ATXN7L3: variants seen among roughly 807,000 people sequenced by gnomAD.
ATXN7L3 encodes ataxin-7-like protein 3.
ATXN7L3 carries 6 observed loss-of-function variants against 50.0 expected under a neutral mutation model. The observed-to-expected ratio is 0.12, with a 90% CI of 0.07 to 0.24. The LOEUF (loss-of-function observed/expected upper bound fraction) is 0.24. Ranked by LOEUF, ATXN7L3 falls within the 10% of genes least tolerant of loss-of-function variation. The pLI is 1.00. For synonymous variants in ATXN7L3, 198 were observed against 165.8 expected, an observed-to-expected ratio of 1.19 and a Z score of -1.49; for missense variants, 322 against 451.3, an observed-to-expected ratio of 0.71 and a Z score of 2.60.
In ATXN7L3 at chr17:44,198,140, C is replaced by T. The variant is rs1463252116; in HGVS notation, c.-60-10G>A. On this transcript the variant is annotated splice_polypyrimidine_tract_variant and intron_variant, in intron 1 of 12. Transcript: ENST00000587097. ...GCGGGCGGCAACACGGCTGCACACA[C>T]GGGGGTGGGGGTGTTGTTGTGAGTC... The T allele has an allele frequency of 4.0e-6, 6 of 1,499,182 alleles. No homozygotes were observed. In the East Asian group the frequency reaches 1.1e-4, roughly 28 times the overall value. 92.9% of individuals were successfully genotyped at this position (1,499,182 alleles called of 1,614,324 possible).
chr17:44,198,299 A>G (rs1168433633), intron 1 of ATXN7L3, 169 bp from the exon 2 acceptor site: 3 of 528,794 alleles, frequency 5.7e-6, no homozygotes, highest in Non-Finnish European at 6.7e-6. Flanking sequence ...TGAAACCTAA[A>G]GGGGGCCTAG....
intron 9 of ATXN7L3, 104 bp from the exon 10 acceptor site, chr17:44,195,244 C>A: frequency 7.1e-7 from 1 of 1,408,084 alleles, no homozygotes; most frequent in Non-Finnish European, 1.0e-6. Flanking sequence ...AGAGATGGCC[C>A]AAAGGTGTCC....
rs1391604689 is a variant in ATXN7L3 at position 44,199,549 on chromosome 17, G to T, written c.-114C>A. On this transcript the variant is annotated 5_prime_UTR_variant, in exon 1 of 13. Transcript: ENST00000587097. ...GCAGCCTCTCAGGGCCGCGTCCTCCGGCGGCGGCGACGGCGGCGGCTGCTC... is the reference window on the plus strand; with the variant it reads ...GCAGCCTCTCAGGGCCGCGTCCTCCTGCGGCGGCGACGGCGGCGGCTGCTC... 1 of 147,434 alleles carries T rather than the reference G, an allele frequency of 6.8e-6. No individual in the cohort carries two copies. The highest frequency in any genetic ancestry group is 6.7e-5 in the Admixed American group (1 of 14,850). The allele number at this position is 147,434 out of a possible 1,614,324, so 9.1% of individuals were successfully genotyped here.
Position 44,198,116 on chromosome 17 carries a change from C to T in ATXN7L3, c.-46G>A, listed in dbSNP as rs2055988708. The T allele has an allele frequency of 6.3e-7, 1 of 1,592,618 alleles. No individual in the cohort carries two copies. Among genetic ancestry groups the T allele is most frequent in the Non-Finnish European group, 8.6e-7 (1 of 1,162,470 alleles). On this transcript the variant is annotated 5_prime_UTR_variant, in exon 2 of 13. Transcript: ENST00000587097. ...GGCGCTCTGACTGCTCATAGCACAG[C>T]GGGCGGCAACACGGCTGCACACACG... is the stretch of plus-strand genomic sequence containing the variant.
Position 44,198,091 on chromosome 17 carries a change from G to C in ATXN7L3, c.-21C>G, listed in dbSNP as rs746043766. On this transcript the variant is annotated 5_prime_UTR_variant, in exon 2 of 13. Coordinates refer to ENST00000587097, the MANE Select transcript of ATXN7L3 (RefSeq NM_001382309.1). ...TTCATTTGTAAACTCTTGTGGAGACGGCGCTCTGACTGCTCATAGCACAGC... is the reference window on the plus strand; with the variant it reads ...TTCATTTGTAAACTCTTGTGGAGACCGCGCTCTGACTGCTCATAGCACAGC... The C allele has an allele frequency of 1.2e-6, 2 of 1,613,436 alleles. No homozygotes were observed. Among genetic ancestry groups the C allele is most frequent in the Non-Finnish European group, 1.7e-6 (2 of 1,179,536 alleles).
chr17:44,194,692 C>A lies in ATXN7L3; in HGVS notation c.738-18G>T, dbSNP rs765756959. The A allele has an allele frequency of 3.1e-6, 5 of 1,613,788 alleles. No homozygotes were observed. The Admixed American group carries it at 6.7e-5, about 22-fold the overall frequency. The stretch of plus-strand genomic sequence containing the variant: ...GAAGGACACTGGAAAGGGGATGAGC[C>A]AAAGAAGGGCTTTAGAGATAGTGAT... On this transcript the variant is annotated intron_variant, in intron 11 of 12. Transcript: ENST00000587097.
intron 1 of ATXN7L3, 173 bp from the exon 2 acceptor site, chr17:44,198,303 G>A (rs1171597516): frequency 3.8e-6 from 2 of 522,106 alleles, no homozygotes; most frequent in Non-Finnish European, 6.7e-6. Flanking sequence ...ACCTAAAGGG[G>A]GCCTAGTCTT....
intron 3 of ATXN7L3, 87 bp from the exon 4 acceptor site, chr17:44,197,486 C>G (rs2055953132): frequency 1.3e-6 from 2 of 1,579,682 alleles, no homozygotes; most frequent in Non-Finnish European, 1.7e-6. Flanking sequence ...TTCAATCCCT[C>G]CCCCGGCTCA....
intron 12 of ATXN7L3, 21 bp from the exon 13 acceptor site, chr17:44,194,432 G>A (rs574181083): frequency 4.3e-6 from 7 of 1,613,926 alleles, no homozygotes; most frequent in East Asian, 4.5e-5. Context: ...AGAGACACAA[G>A]GGATGAGAGT....
rs762440697 is a variant in ATXN7L3 at position 44,195,149 on chromosome 17, G to A, written c.622-9C>T. 3.7e-6 allele frequency: 6 copies of A among 1,613,700 alleles called. 1 individual carries two copies. The South Asian group carries it at 5.5e-5, about 15-fold the overall frequency. Reference sequence around the variant, plus strand: ...GAAATCACCCCACATTGCTGGAAGAGGAATATAAGCTGAAAGGAGGGATGG... The same window carrying A: ...GAAATCACCCCACATTGCTGGAAGAAGAATATAAGCTGAAAGGAGGGATGG... On this transcript the variant is annotated splice_polypyrimidine_tract_variant and intron_variant, in intron 9 of 12. Transcript: ENST00000587097.
At chr17:44,197,104 C>T in intron 4 of ATXN7L3, 78 bp from the exon 5 acceptor site, 1 of 1,556,838 alleles carries the variant, frequency 6.4e-7, no homozygotes, top group Non-Finnish European at 8.8e-7. Flanking sequence ...GCTCTGCCCC[C>T]AACTTCAGAA....
At chr17:44,195,622 T>G (rs773073625) in intron 8 of ATXN7L3, 135 bp from the exon 9 acceptor site, 205 of 1,212,156 alleles carry the variant, frequency 1.7e-4, no homozygotes, top group Non-Finnish European at 2.4e-4. Context: ...CCAAGTGATT[T>G]CTCTCATCCC....
intron 9 of ATXN7L3, 81 bp downstream of exon 9, chr17:44,195,338 C>T: frequency 6.8e-7 from 1 of 1,476,954 alleles, no homozygotes; most frequent in Non-Finnish European, 9.5e-7. Context: ...GCTAGGTCAC[C>T]AGCTTCCTCC....
At chr17:44,195,662 G>A in intron 8 of ATXN7L3, 138 bp downstream of exon 8, 1 of 1,220,290 alleles carries the variant, frequency 8.2e-7, no homozygotes. Context: ...GTGGGACTCA[G>A]AAAGAACATA....
intron 3 of ATXN7L3, 51 bp from the exon 4 acceptor site, chr17:44,197,450 G>C: frequency 1.3e-6 from 2 of 1,571,818 alleles, no homozygotes; most frequent in Non-Finnish European, 1.7e-6. Flanking sequence ...CTCTCCTCTT[G>C]TTCCCACCTG....
chr17:44,197,629 G>A lies in ATXN7L3; in HGVS notation c.153C>T (p.Asp51=), dbSNP rs375431430. ...CCTTCATGCTATCAGGGTCCGTGTC[G>A]TCCAAGAAGAAGTAGCCACACTTGA... ...RAVKCGYFFL[D]DTDPDSMKDF... is the part of the protein sequence containing the mutation. Residue 51 remains aspartate (D), a synonymous_variant, in exon 3 of 13, where the codon GAC becomes GAT. Transcript: ENST00000587097. 67 of 1,614,132 alleles carry A rather than the reference G, an allele frequency of 4.2e-5. No homozygotes were observed. The highest frequency in any genetic ancestry group is 4.8e-5 in the Non-Finnish European group (57 of 1,180,062).
At chr17:44,195,535 G>T in intron 8 of ATXN7L3, 48 bp from the exon 9 acceptor site, 1 of 1,556,606 alleles carries the variant, frequency 6.4e-7, no homozygotes, top group East Asian at 2.2e-5. Context: ...AGAGAAAAGA[G>T]AAGGACAGGG....
rs760131912 is a variant in ATXN7L3 at position 44,196,438 on chromosome 17, A to G, written c.455-20T>C. On this transcript the variant is annotated intron_variant, in intron 5 of 12. Transcript: ENST00000587097. ...TCTTGGCTGTGGGAAACAAAAGCAT[A>G]AAGAGCAGGGTTTCCGTTAAGTTCT... 15 of 1,614,068 alleles carry G rather than the reference A, an allele frequency of 9.3e-6. No homozygotes were observed. The highest frequency in any genetic ancestry group is 2.2e-5 in the South Asian group (2 of 91,078).
intron 6 of ATXN7L3, 157 bp downstream of exon 6, chr17:44,196,239 T>G (rs1031332490): frequency 4.0e-4 from 97 of 242,716 alleles, no homozygotes; most frequent in Middle Eastern, 1.1e-3. Context: ...CCCACCCCCC[T>G]TCCCCACCCA....
Sources: allele counts gnomAD v4.1 joint callset, GRCh38; gene constraint gnomAD v4.1.1; transcripts MANE v1.5; gene names NCBI Gene and HGNC (gene_info 2026-07-23, HGNC 2026-07-21).